The following RAPGEF5 variants were observed in gnomAD, a reference collection of about 807,000 sequenced individuals.
RAPGEF5 encodes Rap guanine nucleotide exchange factor 5.
Under a neutral mutation model 125.2 loss-of-function variants are expected in RAPGEF5, and 65 were observed. The ratio of observed to expected loss-of-function variants is 0.52; its 90% CI spans 0.43 to 0.64. The LOEUF is 0.64. Among genes scored for constraint, RAPGEF5 ranks in the 30% least tolerant of loss-of-function variants. The pLI is 0.00. For missense variants in RAPGEF5, 958 were observed against 1,048.1 expected (o/e 0.91, Z 1.19); for synonymous variants, 391 against 385.9 (o/e 1.01, Z -0.16).
chr7:22,261,328 A>T (rs1583527400), intron 7 of RAPGEF5, among the ~76,000 whole-genome samples: 3 of 152,176 alleles, frequency 2.0e-5, no homozygotes, highest in Admixed American at 6.5e-5. Flanking sequence ...TATATTACTG[A>T]TATAAAATTT....
chr7:22,345,622 C>T (rs865847907), intron 1 of RAPGEF5, among the ~76,000 whole-genome samples: 42 of 150,870 alleles, frequency 2.8e-4, no homozygotes, highest in Admixed American at 2.6e-3. Context: ...AGTGAACACA[C>T]AACTGCAGTT....
chr7:22,293,716 C>A (rs1782987008), intron 5 of RAPGEF5, among the ~76,000 whole-genome samples: 2 of 152,142 alleles, frequency 1.3e-5, no homozygotes, highest in Non-Finnish European at 2.9e-5. Flanking sequence ...CAGCACGCAA[C>A]TGTCCCTCAC....
intron 6 of RAPGEF5, among the ~76,000 whole-genome samples, chr7:22,283,647 C>T (rs918709385): frequency 6.6e-6 from 1 of 152,026 alleles, no homozygotes; most frequent in African/African-American, 2.4e-5. Flanking sequence ...AAACCCATGA[C>T]TCTCAATATC....
chr7:22,189,420 C>A (rs1784922932), intron 11 of RAPGEF5, among the ~76,000 whole-genome samples: 1 of 152,138 alleles, frequency 6.6e-6, no homozygotes. Context: ...AAAGGGTTAA[C>A]TAGCTACAGT....
intron 11 of RAPGEF5, among the ~76,000 whole-genome samples, chr7:22,173,383 A>G (rs914440255): frequency 5.3e-5 from 8 of 152,214 alleles, no homozygotes; most frequent in African/African-American, 1.4e-4. Flanking sequence ...ATCCCTGCCA[A>G]TTCTTACAGG....
Position 22,229,800 on chromosome 7 carries a change from A to G in RAPGEF5, c.870+1046T>C, listed in dbSNP as rs554171271. Among the ~76,000 whole-genome samples the G allele has an allele frequency of 2.6e-5, 4 of 152,306 alleles. No individual in the cohort carries two copies. In the South Asian group the frequency reaches 6.2e-4, roughly 24 times the overall value. ...CTTCCTTCCTAACCAGCTTAGGCCT[A>G]TAACACTCATAATGATGCCATGCTG... On this transcript the variant is annotated intron_variant, in intron 8 of 25. Transcript: ENST00000665637.
chr7:22,209,494 G>A (rs1300778878), intron 9 of RAPGEF5, among the ~76,000 whole-genome samples: 1 of 152,196 alleles, frequency 6.6e-6, no homozygotes, highest in African/African-American at 2.4e-5. Context: ...AAAGTATTAT[G>A]TCTGTAGCTT....
chr7:22,137,084 T>A, intron 21 of RAPGEF5, 101 bp from the exon 22 acceptor site: 1 of 854,526 alleles, frequency 1.2e-6, no homozygotes. Context: ...TGTGTCACAT[T>A]TCTGAACATA....
intron 6 of RAPGEF5, among the ~76,000 whole-genome samples, chr7:22,274,719 AAG>A (rs1258268265): frequency 6.6e-6 from 1 of 152,140 alleles, no homozygotes; most frequent in Non-Finnish European, 1.5e-5. Flanking sequence ...GCCAGGAAAT[AAG>A]GTATCCCTGA....
At chr7:22,167,026 C>T (rs1784189414) in intron 12 of RAPGEF5, 44 bp downstream of exon 12, 1 of 1,500,306 alleles carries the variant, frequency 6.7e-7, no homozygotes, top group African/African-American at 1.4e-5. Flanking sequence ...GGACATCTGT[C>T]TGAGAGGAAG....
chr7:22,124,495 C>CTACA (rs1457018445), intron 25 of RAPGEF5, among the ~76,000 whole-genome samples: 3 of 152,230 alleles, frequency 2.0e-5, no homozygotes, highest in Non-Finnish European at 2.9e-5. Flanking sequence ...AAAACATAAT[C>CTACA]CACACAGAAG....
At chr7:22,256,559 T>C (rs1479372019) in intron 7 of RAPGEF5, among the ~76,000 whole-genome samples, 1 of 152,164 alleles carries the variant, frequency 6.6e-6, no homozygotes, top group Non-Finnish European at 1.5e-5. Context: ...TTTCAAACTT[T>C]AAAATCCCAG....
At chr7:22,140,190 A>G in intron 20 of RAPGEF5, 75 bp from the exon 21 acceptor site, 1 of 1,356,496 alleles carries the variant, frequency 7.4e-7, no homozygotes, top group Non-Finnish European at 1.0e-6. Context: ...GATAAAGCTG[A>G]AAAGACCCTC....
intron 8 of RAPGEF5, among the ~76,000 whole-genome samples, chr7:22,230,273 T>C (rs551604234): frequency 6.6e-6 from 1 of 152,344 alleles, no homozygotes; most frequent in African/African-American, 2.4e-5. Flanking sequence ...TTACTGTCCA[T>C]GCAATCTTTA....
At chr7:22,214,152 G>A (rs539744265) in intron 9 of RAPGEF5, among the ~76,000 whole-genome samples, 21 of 152,316 alleles carry the variant, frequency 1.4e-4, no homozygotes, top group Non-Finnish European at 2.5e-4. Context: ...AGGAAATTCC[G>A]GTTGAGGCTG....
intron 1 of RAPGEF5, among the ~76,000 whole-genome samples, chr7:22,333,569 ATGC>A (rs1232398525): frequency 6.6e-6 from 1 of 152,184 alleles, no homozygotes; most frequent in Non-Finnish European, 1.5e-5. Context: ...CTAAATATTA[ATGC>A]TGCAATTTTT....
At chr7:22,192,242 A>T (rs926605374) in intron 11 of RAPGEF5, 1 of 152,512 alleles carries the variant, frequency 6.6e-6, no homozygotes, top group Non-Finnish European at 1.5e-5. Flanking sequence ...GTCTTCAAAC[A>T]TATGCAAAAT....
chr7:22,224,723 C>T (rs1335850090), intron 8 of RAPGEF5, among the ~76,000 whole-genome samples: 1 of 152,106 alleles, frequency 6.6e-6, no homozygotes, highest in African/African-American at 2.4e-5. Context: ...GGAGCCTGTT[C>T]CCTCCTTTCA....
intron 9 of RAPGEF5, among the ~76,000 whole-genome samples, chr7:22,196,207 T>C (rs17146377): frequency 0.098 from 14,844 of 152,200 alleles, 992 homozygotes; most frequent in East Asian, 0.37. Flanking sequence ...GCCATAAAAA[T>C]GTAATAATCC....
Sources: allele counts gnomAD v4.1 joint callset (sites outside exome capture counted in the v4.1 genomes callset), GRCh38; gene constraint gnomAD v4.1.1; transcripts MANE v1.5; gene names NCBI Gene and HGNC (gene_info 2026-07-23, HGNC 2026-07-21).